Variants in MUCL1 observed in about 807,000 individuals in gnomAD.
The protein encoded by MUCL1 is mucin-like protein 1.
A neutral mutation model predicts 9.2 loss-of-function variants in MUCL1; 11 were observed. The ratio of observed to expected loss-of-function variants is 1.19; its 90% CI spans 0.75 to 1.97. The LOEUF (loss-of-function observed/expected upper bound fraction) is 1.97, where lower values mean the gene tolerates loss of function less well. MUCL1 is among the 30% of genes most tolerant of loss of function. MUCL1 has a pLI of 0.00. For synonymous variants in MUCL1, 48 were observed against 40.5 expected (o/e 1.19, Z -0.71); for missense variants, 144 against 110.9 (o/e 1.30, Z -1.34).
At chr12:54,833,027 C>T (rs1959187408) in intron 1 of MUCL1, among the ~76,000 whole-genome samples, 1 of 151,974 alleles carries the variant, frequency 6.6e-6, no homozygotes. Context: ...TTTTTAAATT[C>T]CTGTACCAGT....
intron 3 of MUCL1, among the ~76,000 whole-genome samples, chr12:54,857,233 T>A (rs1188110358): frequency 9.1e-6 from 1 of 109,796 alleles, no homozygotes; most frequent in African/African-American, 4.6e-5. Flanking sequence ...AATCAGGTAG[T>A]GTGTGTGTGT....
chr12:54,851,130 A>G (rs1406299650), upstream of MUCL1, among the ~76,000 whole-genome samples: 2 of 152,082 alleles, frequency 1.3e-5, no homozygotes, highest in Non-Finnish European at 2.9e-5. Context: ...CTCTGATGGT[A>G]GTTTCTTTTG....
chr12:54,831,926 T>C (rs751567073), intron 1 of MUCL1, among the ~76,000 whole-genome samples: 2 of 152,102 alleles, frequency 1.3e-5, no homozygotes, highest in Non-Finnish European at 1.5e-5. Context: ...TTACTAATGG[T>C]TAAACATTAC....
In MUCL1 at chr12:54,854,604, G is replaced by T; in HGVS notation, c.22G>T (p.Val8Leu). 2 of 1,613,412 alleles carry T rather than the reference G, an allele frequency of 1.2e-6. No individual in the cohort carries two copies. Among genetic ancestry groups the T allele is most frequent in the South Asian group, 1.1e-5 (1 of 91,058 alleles). Reference protein sequence around the residue: MKFLAVLVLLGVSIFLVS... With the variant: MKFLAVLLLLGVSIFLVS... Reference sequence around the variant, plus strand: ...CACCATGAAGTTCTTAGCAGTCCTGGTACTCTTGGGAGTTTCCATCTTTCT... The same window carrying T: ...CACCATGAAGTTCTTAGCAGTCCTGTTACTCTTGGGAGTTTCCATCTTTCT... The change falls in exon 1 of 4, where the codon GTA becomes TTA. Residue 8 changes from valine (V) to leucine (L), a missense_variant. Physicochemically the swap from Val to Leu is conservative, Grantham distance 32. Coordinates refer to ENST00000308796, the MANE Select transcript of MUCL1 (RefSeq NM_058173.3).
rs1212252188 is a variant in MUCL1, at chr12:54,856,882, A to G, written c.213A>G (p.Lys71=). The G allele has an allele frequency of 6.2e-7, 1 of 1,613,594 alleles. No individual in the cohort carries two copies. Among genetic ancestry groups the G allele is most frequent in the African/African-American group, 1.3e-5 (1 of 74,870 alleles). Residue 71 remains lysine, a synonymous_variant, in exon 3 of 4, where the codon AAA becomes AAG. Transcript: ENST00000308796. ...ATTAASTTAR[K]DIPVLPKWVG... ...CCGCTGCTTCTACCACTGCTCGTAA[A>G]GACATTCCAGGTAGCAAGACTCCTC...
chr12:54,843,358 G>A (rs1404029961), intron 1 of MUCL1, among the ~76,000 whole-genome samples: 1 of 152,134 alleles, frequency 6.6e-6, no homozygotes, highest in Non-Finnish European at 1.5e-5. Context: ...TTCTGCATCA[G>A]TTAAGATAAT....
intron 1 of MUCL1, among the ~76,000 whole-genome samples, chr12:54,842,964 C>A (rs989695759): frequency 3.9e-5 from 6 of 152,122 alleles, no homozygotes; most frequent in African/African-American, 1.4e-4. Flanking sequence ...CGTTTAGACA[C>A]ATAAATATTC....
intron 1 of MUCL1, among the ~76,000 whole-genome samples, chr12:54,841,307 A>G (rs1052195209): frequency 4.6e-5 from 7 of 152,218 alleles, no homozygotes; most frequent in African/African-American, 1.4e-4. Context: ...CAATCAACAC[A>G]TGAAGGGGCA....
upstream of MUCL1, among the ~76,000 whole-genome samples, chr12:54,837,500 T>C (rs2121482233): frequency 6.6e-6 from 1 of 152,212 alleles, no homozygotes; most frequent in East Asian, 1.9e-4. Flanking sequence ...GTGTGGTGGC[T>C]CATGCCTGTA....
chr12:54,852,768 C>T (rs1246459186), upstream of MUCL1, among the ~76,000 whole-genome samples: 2 of 152,156 alleles, frequency 1.3e-5, no homozygotes, highest in African/African-American at 4.8e-5. Context: ...GGAGGCCTTA[C>T]AAAGGTGACT....
At chr12:54,848,988 A>G (rs1959296575) in intron 1 of MUCL1, among the ~76,000 whole-genome samples, 1 of 152,186 alleles carries the variant, frequency 6.6e-6, no homozygotes, top group Admixed American at 6.5e-5. Context: ...TAGCAAAAGA[A>G]TACAAATGAC....
At chr12:54,854,108 C>T (rs1318417074), upstream of MUCL1, among the ~76,000 whole-genome samples, 1 of 152,140 alleles carries the variant, frequency 6.6e-6, no homozygotes, top group Non-Finnish European at 1.5e-5. Context: ...GCTGCTCTAC[C>T]CTGATTATTC....
At chr12:54,842,841 T>C (rs1405770371) in intron 1 of MUCL1, among the ~76,000 whole-genome samples, 1 of 152,192 alleles carries the variant, frequency 6.6e-6, no homozygotes, top group Admixed American at 6.5e-5. Flanking sequence ...ATTATCAATA[T>C]ACAGTCATGC....
At chr12:54,850,834 T>G (rs1206833089), upstream of MUCL1, among the ~76,000 whole-genome samples, 2 of 152,216 alleles carry the variant, frequency 1.3e-5, no homozygotes, top group East Asian at 1.9e-4. Context: ...GTTTCCTGAC[T>G]TTTTAATGAT....
At chr12:54,845,468 G>A (rs751061638) in intron 1 of MUCL1, among the ~76,000 whole-genome samples, 12 of 152,238 alleles carry the variant, frequency 7.9e-5, no homozygotes, top group East Asian at 1.9e-4. Context: ...AAGAGGTGGC[G>A]ACGGTTTCCT....
intron 1 of MUCL1, among the ~76,000 whole-genome samples, chr12:54,834,006 A>T (rs1019895974): frequency 1.3e-5 from 2 of 152,160 alleles, no homozygotes; most frequent in Non-Finnish European, 2.9e-5. Context: ...TTTGTTAATT[A>T]CATGCATTAT....
chr12:54,850,277 T>C (rs563739808), upstream of MUCL1, among the ~76,000 whole-genome samples: 1 of 151,982 alleles, frequency 6.6e-6, no homozygotes, highest in East Asian at 1.9e-4. Flanking sequence ...GTCATTTACA[T>C]TAGGTATATC....
At chr12:54,853,143 C>T (rs569109549), upstream of MUCL1, among the ~76,000 whole-genome samples, 3 of 152,198 alleles carry the variant, frequency 2.0e-5, no homozygotes, top group Admixed American at 6.5e-5. Context: ...CAGTGCTCTT[C>T]CAGATTACAG....
upstream of MUCL1, among the ~76,000 whole-genome samples, chr12:54,853,138 C>T (rs1269831511): frequency 1.3e-5 from 2 of 152,136 alleles, no homozygotes; most frequent in Non-Finnish European, 2.9e-5. Flanking sequence ...ATGTTCAGTG[C>T]TCTTCCAGAT....
Sources: allele counts gnomAD v4.1 joint callset (sites outside exome capture counted in the v4.1 genomes callset), GRCh38; gene constraint gnomAD v4.1.1; transcripts MANE v1.5; gene names NCBI Gene and HGNC (gene_info 2026-07-23, HGNC 2026-07-21).